The following GRB14 variants were observed in gnomAD, a reference collection of about 807,000 sequenced individuals.
GRB14 encodes the protein growth factor receptor bound protein 14, also known as growth factor receptor-bound protein 14.
In GRB14, 38 loss-of-function variants were observed where a neutral mutation model predicts 69.1. The ratio of observed to expected loss-of-function variants is 0.55; its 90% CI spans 0.42 to 0.72. GRB14 has a LOEUF of 0.72. GRB14 is among the 30% of genes least tolerant of loss of function. The pLI is 0.00. For synonymous variants in GRB14, 247 were observed against 241.3 expected (o/e 1.02, Z -0.22); for missense variants, 666 against 666.1 (o/e 1.00, Z 0.00).
At chr2:164,608,560 C>T (rs900874717) in intron 2 of GRB14, among the ~76,000 whole-genome samples, 14 of 150,770 alleles carry the variant, frequency 9.3e-5, no homozygotes, top group Non-Finnish European at 1.6e-4. Context: ...TAGCCAATGC[C>T]TCGTTCATGC....
chr2:164,570,275 TAAAAA>T (rs35918859), intron 2 of GRB14, among the ~76,000 whole-genome samples: 12 of 57,226 alleles, frequency 2.1e-4, no homozygotes, highest in African/African-American at 6.7e-4. Flanking sequence ...AGACTCCATC[TAAAAA>T]AAAAAAAAAA....
Position 164,591,000 on chromosome 2 carries a change from C to T in GRB14, c.324+28687G>A, listed in dbSNP as rs191441607. 1.6e-3 allele frequency among the ~76,000 whole-genome samples: 242 copies of T among 152,250 alleles called. 1 individual carries two copies. Among genetic ancestry groups the T allele is most frequent in the Non-Finnish European group, 3.0e-3 (207 of 68,008 alleles). On this transcript the variant is annotated intron_variant, in intron 2 of 13. Coordinates refer to ENST00000263915, the MANE Select transcript of GRB14 (RefSeq NM_004490.3). ...TTGTTAACACAGCAAAATTATTTGG[C>T]CTAATGAATGTCTGTTAGCACTAAG...
At chr2:164,565,041 C>CA (rs1398445655) in intron 2 of GRB14, among the ~76,000 whole-genome samples, 1 of 151,938 alleles carries the variant, frequency 6.6e-6, no homozygotes, top group Non-Finnish European at 1.5e-5. Context: ...AACAAACAAA[C>CA]AAAAAATGTT....
chr2:164,574,696 T>C (rs1464055588), intron 2 of GRB14, among the ~76,000 whole-genome samples: 3 of 152,042 alleles, frequency 2.0e-5, no homozygotes, highest in Non-Finnish European at 4.4e-5. Flanking sequence ...TCCCAGCCAT[T>C]TGGGAGGCTG....
intron 12 of GRB14, among the ~76,000 whole-genome samples, chr2:164,496,184 G>T (rs532918222): frequency 6.6e-6 from 1 of 152,258 alleles, no homozygotes; most frequent in Non-Finnish European, 1.5e-5. Flanking sequence ...ATCTTGTCAT[G>T]ATAATGACAT....
At chr2:164,510,186 T>C (rs1261671814) in intron 6 of GRB14, among the ~76,000 whole-genome samples, 1 of 152,214 alleles carries the variant, frequency 6.6e-6, no homozygotes, top group Non-Finnish European at 1.5e-5. Context: ...TCCTGTCCAC[T>C]GATGCTGTAG....
At chr2:164,536,530 C>T (rs1302014990) in intron 3 of GRB14, among the ~76,000 whole-genome samples, 1 of 152,114 alleles carries the variant, frequency 6.6e-6, no homozygotes, top group East Asian at 1.9e-4. Context: ...GAATAAGCAC[C>T]TAACCTTTCA....
At chr2:164,507,389 A>G (rs1011344688) in intron 8 of GRB14, among the ~76,000 whole-genome samples, 5 of 152,160 alleles carry the variant, frequency 3.3e-5, no homozygotes, top group Admixed American at 2.6e-4. Context: ...AGCTTCTCTG[A>G]TTTTCATTTC....
At position 164,547,703 on chromosome 2, in the gene GRB14, G is replaced by T. The variant is rs779939490; in HGVS notation, c.438C>A (p.Asp146Glu). ...LLILKNHYID[D>E]HSWTLFEHLP... is the part of the protein sequence containing the mutation. ...GGTGCTCAAAAAGGGTCCAGCTGTG[G>T]TCATCAATGTAATGATTCTTCAGGA... is the stretch of plus-strand genomic sequence containing the variant. The change falls in exon 3 of 14, where the codon GAC becomes GAA. Residue 146 changes from aspartate (D) to glutamate (E), a missense_variant. Asp to Glu is a conservative substitution (Grantham distance 45, BLOSUM62 2). Coordinates refer to ENST00000263915, the MANE Select transcript of GRB14 (RefSeq NM_004490.3). 1 of 1,613,808 alleles carries T rather than the reference G, an allele frequency of 6.2e-7. No homozygotes were observed. The highest frequency in any genetic ancestry group is 2.2e-5 in the East Asian group (1 of 44,850).
At chr2:164,534,560 A>G (rs947286824) in intron 3 of GRB14, among the ~76,000 whole-genome samples, 12 of 152,300 alleles carry the variant, frequency 7.9e-5, no homozygotes, top group African/African-American at 2.9e-4. Flanking sequence ...CTGAAGACCA[A>G]CTTTCTCTTG....
At chr2:164,524,944 A>G in intron 5 of GRB14, 60 bp downstream of exon 5, 2 of 883,844 alleles carry the variant, frequency 2.3e-6, no homozygotes, top group South Asian at 3.3e-5. Flanking sequence ...ATAAAAAAGG[A>G]CTTAAAAGTT....
intron 2 of GRB14, among the ~76,000 whole-genome samples, chr2:164,618,253 C>T (rs1261898386): frequency 4.0e-5 from 6 of 150,844 alleles, no homozygotes; most frequent in Non-Finnish European, 5.9e-5. Context: ...GGATTACAGG[C>T]GTGAGCCACC....
chr2:164,595,092 G>A (rs1266645279), intron 2 of GRB14, among the ~76,000 whole-genome samples: 1 of 152,180 alleles, frequency 6.6e-6, no homozygotes, highest in African/African-American at 2.4e-5. Flanking sequence ...GAAAACATGT[G>A]TTTATTAGAT....
At chr2:164,600,667 G>A (rs753546564) in intron 2 of GRB14, among the ~76,000 whole-genome samples, 1 of 152,214 alleles carries the variant, frequency 6.6e-6, no homozygotes, top group African/African-American at 2.4e-5. Flanking sequence ...TATGCCCACT[G>A]GGGTTTGAGA....
chr2:164,605,514 G>C (rs975406683), intron 2 of GRB14, among the ~76,000 whole-genome samples: 2 of 152,140 alleles, frequency 1.3e-5, no homozygotes, highest in African/African-American at 4.8e-5. Flanking sequence ...CATCCTGGCA[G>C]TAAAATGAAA....
intron 12 of GRB14, 94 bp downstream of exon 12, chr2:164,496,914 A>C: frequency 1.0e-6 from 1 of 975,040 alleles, no homozygotes; most frequent in Non-Finnish European, 1.6e-6. Context: ...GATAAGCCCA[A>C]ATCAAGAACT....
intron 6 of GRB14, among the ~76,000 whole-genome samples, chr2:164,514,183 G>A (rs1214696197): frequency 6.6e-6 from 1 of 152,170 alleles, no homozygotes; most frequent in Non-Finnish European, 1.5e-5. Context: ...AATAACTAAA[G>A]AGAAGTAAAG....
intron 2 of GRB14, among the ~76,000 whole-genome samples, chr2:164,549,938 T>TAAAATAAAA (rs1207075898): frequency 2.0e-5 from 3 of 149,144 alleles, no homozygotes; most frequent in African/African-American, 7.4e-5. Context: ...TAAAATAAAA[T>TAAAATAAAA]TTCATATTCT....
rs1559019518 is a variant in GRB14, at chr2:164,497,277, C to CT, written c.1227dup (p.Gly410ArgfsTer10). 1.2e-6 allele frequency: 2 copies of CT among 1,612,522 alleles called. No individual in the cohort carries two copies. The highest frequency in any genetic ancestry group is 1.1e-5 in the South Asian group (1 of 90,788). On this transcript the variant is annotated frameshift_variant, in exon 11 of 14. Coordinates refer to ENST00000263915, the MANE Select transcript of GRB14 (RefSeq NM_004490.3). LOFTEE classifies it high-confidence loss of function. ...CCGTGAGTGCCCAGGCGTAAACATC[C>CT]TTTTTTCTGAGCAAGGAAGGAGAAA...
Sources: gnomAD v4.1 joint callset for allele counts (sites outside exome capture counted in the v4.1 genomes callset) on GRCh38, gnomAD v4.1.1 for gene constraint, MANE v1.5 for transcripts, NCBI Gene and HGNC (gene_info 2026-07-23, HGNC 2026-07-21) for gene names.